PCDH15: variants seen among roughly 807,000 people sequenced by gnomAD.
PCDH15 encodes the protein protocadherin related 15, also known as protocadherin-15.
In PCDH15, 129 loss-of-function variants were observed where a neutral mutation model predicts 178.5. That is an observed-to-expected ratio of 0.72 (90% CI 0.63 to 0.84). The LOEUF is 0.84. Among genes scored for constraint, PCDH15 ranks in the 40% least tolerant of loss-of-function variants. The probability of loss-of-function intolerance (pLI) is 0.00; values close to 1 mark genes in which losing one functional copy is unlikely to be tolerated. For synonymous variants in PCDH15, 800 were observed against 732.0 expected (o/e 1.09, Z -1.50); for missense variants, 2,230 against 2,099.9 (o/e 1.06, Z -1.21).
chr10:55,271,411 A>G (rs531532566), intron 1 of PCDH15, among the ~76,000 whole-genome samples: 43 of 152,210 alleles, frequency 2.8e-4, no homozygotes, highest in Non-Finnish European at 2.5e-4. Flanking sequence ...GAAAAAGGGT[A>G]GTTTTACATC....
chr10:53,941,079 C>A (rs181451928), intron 23 of PCDH15, 104 bp from the exon 24 acceptor site: 325 of 768,834 alleles, frequency 4.2e-4, no homozygotes, highest in East Asian at 2.7e-5. Flanking sequence ...TTCTGATATA[C>A]CCTCTGCCCT....
At chr10:54,828,986 G>A (rs1489847212) in intron 3 of PCDH15, among the ~76,000 whole-genome samples, 1 of 151,974 alleles carries the variant, frequency 6.6e-6, no homozygotes, top group Admixed American at 6.6e-5. Context: ...GATTCTGAAA[G>A]ACGTGAGAAC....
chr10:54,052,144 G>A (rs2093789279), intron 18 of PCDH15, among the ~76,000 whole-genome samples: 1 of 152,200 alleles, frequency 6.6e-6, no homozygotes, highest in Admixed American at 6.5e-5. Context: ...GTGCAGAAAG[G>A]AAACATGTGG....
intron 3 of PCDH15, among the ~76,000 whole-genome samples, chr10:54,855,734 T>C (rs1460176798): frequency 1.3e-5 from 2 of 152,220 alleles, no homozygotes; most frequent in Non-Finnish European, 2.9e-5. Context: ...AATATGATCA[T>C]CCTGCAAGGC....
chr10:54,966,129 G>T lies in PCDH15; in HGVS notation c.-79-68629C>A, dbSNP rs555776462. ...TCAACAGCATTCAAGTAACTACTTA[G>T]ACTTCAGTTTTGCTGAATTGAGAAT... On this transcript the variant is annotated intron_variant, in intron 2 of 5. Coordinates refer to the PCDH15 transcript ENST00000458638. 2.4e-4 allele frequency among the ~76,000 whole-genome samples: 37 copies of T among 151,914 alleles called. No individual in the cohort carries two copies. The South Asian group carries it at 6.0e-3, about 25-fold the overall frequency.
Position 55,077,430 on chromosome 10 carries a change from CCTTCCTTT to C in PCDH15, c.-80+89138_-80+89145del, listed in dbSNP as rs1290950868. Among the ~76,000 whole-genome samples the C allele has an allele frequency of 8.7e-5, 12 of 137,984 alleles. No individual in the cohort carries two copies. In the South Asian group the frequency reaches 2.7e-3, roughly 31 times the overall value. The allele number at this position is 137,984 out of a possible 152,430, so 90.5% of individuals were successfully genotyped here. ...TCCTTCCTTCCTTCCTTCCTTCCTT[CCTTCCTTT>C]CTTCCTTCCTTCCCTTCCTTCCTTC... On this transcript the variant is annotated intron_variant, in intron 2 of 5. Coordinates refer to the PCDH15 transcript ENST00000458638.
chr10:53,805,776 C>T lies in PCDH15; in HGVS notation c.*803G>A, dbSNP rs974650362. On this transcript the variant is annotated 3_prime_UTR_variant, in exon 38 of 38. Transcript: ENST00000644397. The stretch of plus-strand genomic sequence containing the variant: ...TAGATGCATTACTGCTTACTCGAAC[C>T]TTTCTCACTTCCCTAAAAGCTTTTG... The T allele has an allele frequency of 6.6e-6, 1 of 152,072 alleles. No individual in the cohort carries two copies. Among genetic ancestry groups the T allele is most frequent in the Non-Finnish European group, 1.5e-5 (1 of 68,012 alleles). The allele number at this position is 152,072 out of a possible 1,614,324, so 9.4% of individuals were successfully genotyped here.
intron 26 of PCDH15, among the ~76,000 whole-genome samples, chr10:53,868,723 G>A (rs572683619): frequency 9.9e-4 from 150 of 152,232 alleles, no homozygotes; most frequent in African/African-American, 3.3e-3. Context: ...CATTTAAAAC[G>A]TTTCCAGATA....
intron 3 of PCDH15, among the ~76,000 whole-genome samples, chr10:54,386,957 A>G (rs1392966537): frequency 6.6e-6 from 1 of 152,186 alleles, no homozygotes; most frequent in East Asian, 1.9e-4. Flanking sequence ...GTTAATAACA[A>G]TATATTGTAC....
At chr10:54,694,452 T>A (rs1182141465) in intron 1 of PCDH15, among the ~76,000 whole-genome samples, 1 of 152,160 alleles carries the variant, frequency 6.6e-6, no homozygotes, top group African/African-American at 2.4e-5. Context: ...TGCTCTTTGC[T>A]TTATTTCACT....
chr10:55,427,998 C>A (rs1183333901), intron 2 of PCDH15, among the ~76,000 whole-genome samples: 1 of 146,932 alleles, frequency 6.8e-6, no homozygotes, highest in Non-Finnish European at 1.5e-5. Context: ...TAATTTTGAA[C>A]AGAGAGACTA....
chr10:54,435,101 A>C (rs1274972585), intron 3 of PCDH15, among the ~76,000 whole-genome samples: 1 of 152,174 alleles, frequency 6.6e-6, no homozygotes, highest in Non-Finnish European at 1.5e-5. Flanking sequence ...CACTGATTTC[A>C]GAATTACAAT....
intron 2 of PCDH15, among the ~76,000 whole-genome samples, chr10:54,968,526 C>T (rs1356737020): frequency 4.0e-5 from 6 of 151,564 alleles, no homozygotes; most frequent in African/African-American, 1.5e-4. Flanking sequence ...CTGCTGTTGT[C>T]TTTGACTGCT....
chr10:55,228,866 T>C lies in PCDH15; in HGVS notation c.-155-62215A>G, dbSNP rs551071925. 2.5e-3 allele frequency among the ~76,000 whole-genome samples: 375 copies of C among 152,094 alleles called. 2 individuals carry two copies. The highest frequency in any genetic ancestry group is 4.0e-3 in the Non-Finnish European group (270 of 67,932). On this transcript the variant is annotated intron_variant, in intron 1 of 5. Coordinates refer to the PCDH15 transcript ENST00000458638. ...AATTTTAACAAAATAGTAGTACTTA[T>C]CATTTACTCCCATCACAATACCTTA...
intron 8 of PCDH15, 25 bp downstream of exon 8, chr10:54,317,246 T>C (rs756799678): frequency 1.0e-5 from 16 of 1,605,696 alleles, no homozygotes; most frequent in African/African-American, 1.3e-5. Flanking sequence ...TGCAAATAAA[T>C]GGAGAAAGAT....
intron 15 of PCDH15, among the ~76,000 whole-genome samples, chr10:54,129,694 G>T (rs2042267452): frequency 6.6e-6 from 1 of 152,108 alleles, no homozygotes; most frequent in South Asian, 2.1e-4. Context: ...GTAAACAGGG[G>T]ACTGGTTCCA....
At chr10:54,699,541 C>T (rs999226368) in intron 1 of PCDH15, among the ~76,000 whole-genome samples, 3 of 152,032 alleles carry the variant, frequency 2.0e-5, no homozygotes, top group African/African-American at 7.2e-5. Flanking sequence ...TGCAGTCCCA[C>T]CTCACTTTTG....
At chr10:55,158,160 T>A (rs2489231) in intron 2 of PCDH15, among the ~76,000 whole-genome samples, 140,789 of 150,322 alleles carry the variant, frequency 0.94, 66,159 homozygotes, top group East Asian at 1. Context: ...TGTTTTATAC[T>A]CACACACACA....
chr10:55,050,322 C>G (rs894897538), intron 2 of PCDH15, among the ~76,000 whole-genome samples: 1 of 151,798 alleles, frequency 6.6e-6, no homozygotes. Context: ...ATAATTGTAT[C>G]TAATTAGATG....
Sources: allele counts gnomAD v4.1 joint callset (sites outside exome capture counted in the v4.1 genomes callset), GRCh38; gene constraint gnomAD v4.1.1; transcripts MANE v1.5; gene names NCBI Gene and HGNC (gene_info 2026-07-23, HGNC 2026-07-21).